Variants in GDAP2 observed in about 807,000 individuals in gnomAD.
GDAP2 encodes the protein ganglioside-induced differentiation-associated protein 2.
A neutral mutation model predicts 67.0 loss-of-function variants in GDAP2; 51 were observed. The observed-to-expected ratio is 0.76, with a 90% CI of 0.61 to 0.96. GDAP2 has a LOEUF of 0.96. Among genes scored for constraint, GDAP2 ranks in the 40% least tolerant of loss-of-function variants. The pLI is 0.00. For synonymous variants in GDAP2, 203 were observed against 207.3 expected (o/e 0.98, Z 0.18); for missense variants, 547 against 588.3 (o/e 0.93, Z 0.73).
At chr1:117,885,401 G>C (rs116021405) in intron 10 of GDAP2, among the ~76,000 whole-genome samples, 1 of 151,912 alleles carries the variant, frequency 6.6e-6, no homozygotes, top group African/African-American at 2.4e-5. Context: ...TATTTTCCTT[G>C]TTTTTGTGCT....
chr1:117,874,355 C>T (rs1440184252), intron 13 of GDAP2, among the ~76,000 whole-genome samples: 1 of 152,142 alleles, frequency 6.6e-6, no homozygotes, highest in Non-Finnish European at 1.5e-5. Context: ...CCTTCCTTCT[C>T]TCTCTTGCTT....
intron 10 of GDAP2, among the ~76,000 whole-genome samples, chr1:117,884,533 T>C (rs1057412946): frequency 2.0e-5 from 3 of 152,168 alleles, no homozygotes; most frequent in African/African-American, 4.8e-5. Context: ...CTAGAGCAGA[T>C]AGAGAAGGGC....
In GDAP2 at chr1:117,894,562, T is replaced by TAAAAAGA. The variant is rs1377666044; in HGVS notation, c.953+2270_953+2271insTCTTTTT. On this transcript the variant is annotated intron_variant, in intron 8 of 13. Coordinates refer to ENST00000369443, the MANE Select transcript of GDAP2 (RefSeq NM_017686.4). The stretch of plus-strand genomic sequence containing the variant: ...TTAAATCAGTTCTTGAGAACCCATC[T>TAAAAAGA]TTTTAAATTAATGGAAGACAAAATG... Among the ~76,000 whole-genome samples, 3 of 152,190 alleles carry TAAAAAGA rather than the reference T, an allele frequency of 2.0e-5. No individual in the cohort carries two copies. The East Asian group carries it at 5.8e-4, about 29-fold the overall frequency.
intron 6 of GDAP2, among the ~76,000 whole-genome samples, chr1:117,903,514 C>T (rs1260705155): frequency 2.0e-5 from 3 of 152,162 alleles, no homozygotes. Flanking sequence ...TTCTTTTCTA[C>T]ATCTATTCAG....
At chr1:117,929,270 C>A (rs919699928) in intron 1 of GDAP2, among the ~76,000 whole-genome samples, 178 bp downstream of exon 1, 4 of 152,240 alleles carry the variant, frequency 2.6e-5, no homozygotes, top group Admixed American at 2.6e-4. Flanking sequence ...CCGACAACGC[C>A]TCGGGAAAGA....
At chr1:117,904,097 A>G (rs374302925) in intron 6 of GDAP2, among the ~76,000 whole-genome samples, 17 of 151,354 alleles carry the variant, frequency 1.1e-4, no homozygotes, top group African/African-American at 4.1e-4. Flanking sequence ...AGTGATTCTC[A>G]TATCTCAGCC....
chr1:117,902,347 T>C (rs1342115744), intron 6 of GDAP2, among the ~76,000 whole-genome samples: 1 of 152,196 alleles, frequency 6.6e-6, no homozygotes, highest in Non-Finnish European at 1.5e-5. Flanking sequence ...CTTTTTGTGC[T>C]TTTGGTGCCA....
At position 117,863,963 on chromosome 1, in the gene GDAP2, A is replaced by G. The variant is rs548941320; in HGVS notation, c.*6606T>C. 2.6e-4 allele frequency: 40 copies of G among 152,300 alleles called. No individual in the cohort carries two copies. Among genetic ancestry groups the G allele is most frequent in the African/African-American group, 9.4e-4 (39 of 41,566 alleles). The allele number at this position is 152,300 out of a possible 1,614,324, so 9.4% of individuals were successfully genotyped here. On this transcript the variant is annotated 3_prime_UTR_variant, in exon 14 of 14. Coordinates refer to ENST00000369443, the MANE Select transcript of GDAP2 (RefSeq NM_017686.4). ...AATATTATCCCTGTTGAATACACAA[A>G]AACACTGAGGTTCAGAAAAAGTTGA...
chr1:117,883,689 A>G, intron 10 of GDAP2, 62 bp from the exon 11 acceptor site: 1 of 1,263,654 alleles, frequency 7.9e-7, no homozygotes, highest in Non-Finnish European at 1.1e-6. Context: ...TTTCACAGAG[A>G]CCAAGAAAAA....
At chr1:117,918,839 T>G (rs1650142023) in intron 2 of GDAP2, 103 bp from the exon 3 acceptor site, 4 of 991,442 alleles carry the variant, frequency 4.0e-6, no homozygotes, top group Non-Finnish European at 6.0e-6. Flanking sequence ...TTCAAAATGT[T>G]GGTTTTGCTA....
intron 13 of GDAP2, among the ~76,000 whole-genome samples, chr1:117,877,012 A>C (rs1003846512): frequency 1.3e-5 from 2 of 152,208 alleles, no homozygotes; most frequent in Admixed American, 6.5e-5. Context: ...CTACTCCAGC[A>C]ATCTGCAGTA....
At position 117,866,687 on chromosome 1, in the gene GDAP2, C is replaced by T. The variant is rs1409001159; in HGVS notation, c.*3882G>A. ...TGGCCAACATGGTGAAACCCCGTCTCTACTAAAAATACAAAAATTAGCCGG... is the reference window on the plus strand; with the variant it reads ...TGGCCAACATGGTGAAACCCCGTCTTTACTAAAAATACAAAAATTAGCCGG... On this transcript the variant is annotated 3_prime_UTR_variant, in exon 14 of 14. Coordinates refer to ENST00000369443, the MANE Select transcript of GDAP2 (RefSeq NM_017686.4). The T allele has an allele frequency of 1.3e-5, 2 of 152,050 alleles. No homozygotes were observed. The highest frequency in any genetic ancestry group is 3.9e-4 in the East Asian group (2 of 5,178). 9.4% of individuals were successfully genotyped at this position (152,050 alleles called of 1,614,324 possible). A position where few individuals can be genotyped will look rare whatever the true frequency, so the allele number is the denominator to read the frequency against.
intron 3 of GDAP2, among the ~76,000 whole-genome samples, chr1:117,917,635 G>A (rs1029638949): frequency 9.2e-5 from 14 of 152,172 alleles, no homozygotes; most frequent in African/African-American, 3.4e-4. Flanking sequence ...AGTTATTAAA[G>A]AGCAGAGTTA....
At chr1:117,923,622 C>G (rs897257907) in intron 1 of GDAP2, among the ~76,000 whole-genome samples, 1 of 152,026 alleles carries the variant, frequency 6.6e-6, no homozygotes, top group Non-Finnish European at 1.5e-5. Context: ...CTTTCTCCCC[C>G]CCAAATAAAT....
rs1176277158 is a variant in GDAP2 at position 117,867,876 on chromosome 1, A to G, written c.*2693T>C. On this transcript the variant is annotated 3_prime_UTR_variant, in exon 14 of 14. Coordinates refer to ENST00000369443, the MANE Select transcript of GDAP2 (RefSeq NM_017686.4). ...CAAGAAACTTGGATATAGATGAATT[A>G]AGAACCCAAATACACGTGGAAGCAA... 6.6e-6 allele frequency: 1 copy of G among 152,222 alleles called. No individual in the cohort carries two copies. The highest frequency in any genetic ancestry group is 2.4e-5 in the African/African-American group (1 of 41,454). 9.4% of individuals were successfully genotyped at this position (152,222 alleles called of 1,614,324 possible).
chr1:117,900,808 C>T (rs1006273952), intron 6 of GDAP2, among the ~76,000 whole-genome samples: 1 of 150,948 alleles, frequency 6.6e-6, no homozygotes, highest in Non-Finnish European at 1.5e-5. Flanking sequence ...CGCCTATAAT[C>T]CCAGCACTTA....
At chr1:117,917,774 T>C (rs1302345373) in intron 3 of GDAP2, among the ~76,000 whole-genome samples, 1 of 152,256 alleles carries the variant, frequency 6.6e-6, no homozygotes, top group Non-Finnish European at 1.5e-5. Flanking sequence ...TATGTAAGCA[T>C]ACACACATGC....
intron 7 of GDAP2, among the ~76,000 whole-genome samples, chr1:117,897,995 A>T (rs528126297): frequency 1.3e-5 from 2 of 152,362 alleles, no homozygotes; most frequent in South Asian, 4.1e-4. Flanking sequence ...CTACTTGAAA[A>T]TATTTAAGAA....
intron 6 of GDAP2, among the ~76,000 whole-genome samples, chr1:117,904,254 G>A (rs545866245): frequency 6.6e-6 from 1 of 152,204 alleles, no homozygotes; most frequent in Non-Finnish European, 1.5e-5. Context: ...CTCCCAAAGT[G>A]CTGGGATTAC....
Sources: allele counts gnomAD v4.1 joint callset (sites outside exome capture counted in the v4.1 genomes callset), GRCh38; gene constraint gnomAD v4.1.1; transcripts MANE v1.5; gene names NCBI Gene and HGNC (gene_info 2026-07-23, HGNC 2026-07-21).